DNM1L: variants seen among roughly 807,000 people sequenced by gnomAD.
DNM1L encodes the protein dynamin 1L.
In DNM1L, 33 loss-of-function variants were observed where a neutral mutation model predicts 92.8. That is an observed-to-expected ratio of 0.36 (90% CI 0.27 to 0.48). DNM1L has a LOEUF of 0.48. DNM1L is among the 20% of genes least tolerant of loss of function. The pLI is 0.99. For missense variants in DNM1L, 485 were observed against 888.8 expected (o/e 0.55, Z 5.78); for synonymous variants, 284 against 305.0 (o/e 0.93, Z 0.72).
At chr12:32,702,251 AAAAG>A (rs1952740724) in intron 2 of DNM1L, among the ~76,000 whole-genome samples, 2 of 151,076 alleles carry the variant, frequency 1.3e-5, no homozygotes, top group Non-Finnish European at 3.0e-5. Flanking sequence ...AAAAAAAAAA[AAAAG>A]AAGAAAATAG....
intron 2 of DNM1L, chr12:32,705,977 C>A: frequency 1.1e-6 from 1 of 946,954 alleles, no homozygotes; most frequent in Non-Finnish European, 1.5e-6. Context: ...TTTGCCCATC[C>A]ACATTGATTG....
At chr12:32,709,101 AG>A (rs1021214353) in intron 4 of DNM1L, among the ~76,000 whole-genome samples, 4 of 152,156 alleles carry the variant, frequency 2.6e-5, no homozygotes, top group Admixed American at 2.6e-4. Context: ...ATGACTGTTC[AG>A]GATATTTGTT....
At chr12:32,680,649 A>G (rs1951769797) in intron 1 of DNM1L, among the ~76,000 whole-genome samples, 1 of 152,222 alleles carries the variant, frequency 6.6e-6, no homozygotes, top group African/African-American at 2.4e-5. Context: ...TAGTATTTGT[A>G]ACAATATTTG....
chr12:32,687,899 C>G (rs1952086146), intron 1 of DNM1L, among the ~76,000 whole-genome samples: 1 of 151,670 alleles, frequency 6.6e-6, no homozygotes. Flanking sequence ...TGTTTGGGGT[C>G]CCTTGTCATT....
intron 1 of DNM1L, among the ~76,000 whole-genome samples, chr12:32,692,025 G>A (rs1237273167): frequency 6.6e-6 from 1 of 151,906 alleles, no homozygotes; most frequent in Non-Finnish European, 1.5e-5. Context: ...ATTCCAATCT[G>A]TCACAGTAAA....
intron 9 of DNM1L, 170 bp downstream of exon 9, chr12:32,722,803 TTGTAAA>T: frequency 1.9e-6 from 1 of 521,906 alleles, no homozygotes. Context: ...AAAATATGCT[TTGTAAA>T]TGATATAAAG....
chr12:32,720,523 C>T, intron 7 of DNM1L, 141 bp from the exon 8 acceptor site: 1 of 1,281,084 alleles, frequency 7.8e-7, no homozygotes, highest in Non-Finnish European at 1.1e-6. Context: ...GGTAATAATA[C>T]CTGCCACATA....
At chr12:32,693,852 G>A (rs959600709) in intron 1 of DNM1L, among the ~76,000 whole-genome samples, 3 of 152,010 alleles carry the variant, frequency 2.0e-5, no homozygotes, top group Non-Finnish European at 4.4e-5. Flanking sequence ...TGCCCAGGAT[G>A]GTCTTGAACT....
chr12:32,722,301 T>C, intron 8 of DNM1L, 126 bp from the exon 9 acceptor site: 2 of 786,024 alleles, frequency 2.5e-6, no homozygotes, highest in Non-Finnish European at 4.2e-6. Context: ...AAATATATAT[T>C]TCACAGTATC....
intron 2 of DNM1L, among the ~76,000 whole-genome samples, chr12:32,703,698 A>G (rs1305505407): frequency 6.6e-6 from 1 of 152,108 alleles, no homozygotes; most frequent in African/African-American, 2.4e-5. Context: ...TTACATGACA[A>G]AGACCTAGGT....
Position 32,712,829 on chromosome 12 carries a change from TC to T in DNM1L, c.457-379del, listed in dbSNP as rs573156484. On this transcript the variant is annotated intron_variant, in intron 5 of 19. Coordinates refer to ENST00000549701, the MANE Select transcript of DNM1L (RefSeq NM_012062.5). ...AGTTCTACGAAGGCAGAAAGTTTGG[TC>T]TTTTTAAAATTCACTACTGTAACAT... is the stretch of plus-strand genomic sequence containing the variant. Among the ~76,000 whole-genome samples the T allele has an allele frequency of 1.4e-4, 21 of 152,228 alleles. No individual in the cohort carries two copies. In the South Asian group the frequency reaches 4.4e-3, roughly 32 times the overall value.
At chr12:32,729,598 C>T (rs1217954251) in intron 9 of DNM1L, among the ~76,000 whole-genome samples, 1 of 151,922 alleles carries the variant, frequency 6.6e-6, no homozygotes, top group Non-Finnish European at 1.5e-5. Flanking sequence ...TACAGGTGCC[C>T]ACCACCACAC....
chr12:32,730,576 G>C (rs1954490244), intron 9 of DNM1L, among the ~76,000 whole-genome samples: 1 of 152,178 alleles, frequency 6.6e-6, no homozygotes, highest in South Asian at 2.1e-4. Context: ...TAATGGTAGA[G>C]TTGAGTAGTT....
intron 1 of DNM1L, among the ~76,000 whole-genome samples, chr12:32,685,486 G>A (rs1202323120): frequency 6.6e-6 from 1 of 151,032 alleles, no homozygotes; most frequent in East Asian, 2.0e-4. Flanking sequence ...TCAGCATCCT[G>A]AGTAGCTGGG....
rs752955628 is a variant in DNM1L, at chr12:32,738,223, T to A, written c.1675-41T>A. ...AATTTCAACCCATTGGTATTTAAAT[T>A]TTGCTTGTTAAATTGCATGTTTTAA... On this transcript the variant is annotated intron_variant, in intron 15 of 19. Transcript: ENST00000549701. 8 of 1,610,156 alleles carry A rather than the reference T, an allele frequency of 5.0e-6. No individual in the cohort carries two copies. The East Asian group carries it at 1.8e-4, about 36-fold the overall frequency.
intron 19 of DNM1L, 63 bp from the exon 20 acceptor site, chr12:32,743,291 G>GTAAT (rs1486215767): frequency 6.9e-7 from 1 of 1,450,374 alleles, no homozygotes; most frequent in Non-Finnish European, 9.5e-7. Flanking sequence ...ATTACCCTGC[G>GTAAT]TAATTCAGAT....
intron 2 of DNM1L, among the ~76,000 whole-genome samples, chr12:32,703,927 C>T (rs1437398006): frequency 6.6e-6 from 1 of 152,140 alleles, no homozygotes; most frequent in Non-Finnish European, 1.5e-5. Flanking sequence ...TCTCAGCTTG[C>T]CCCCTACTTC....
At position 32,744,727 on chromosome 12, in the gene DNM1L, A is replaced by AAAAC. The variant is rs1468473839; in HGVS notation, c.*1320_*1323dup. ...AAACTCCGTCTCAAAAAAAAAAAATAAAACAACACCCAGATAGATACACAT... is the reference window on the plus strand; with the variant it reads ...AAACTCCGTCTCAAAAAAAAAAAATAAAACAAACAACACCCAGATAGATACACAT... On this transcript the variant is annotated 3_prime_UTR_variant, in exon 20 of 20. Transcript: ENST00000549701. The AAAAC allele has an allele frequency of 5.5e-6, 2 of 365,160 alleles. No individual in the cohort carries two copies. Among genetic ancestry groups the AAAAC allele is most frequent in the African/African-American group, 2.2e-5 (1 of 45,420 alleles). 22.6% of individuals were successfully genotyped at this position (365,160 alleles called of 1,614,324 possible).
chr12:32,726,229 A>G (rs1397872902), intron 9 of DNM1L, among the ~76,000 whole-genome samples: 1 of 152,212 alleles, frequency 6.6e-6, no homozygotes, highest in African/African-American at 2.4e-5. Flanking sequence ...TGCTAGGTAG[A>G]ACAGATTGGT....
Sources: gnomAD v4.1 joint callset for allele counts (sites outside exome capture counted in the v4.1 genomes callset) on GRCh38, gnomAD v4.1.1 for gene constraint, MANE v1.5 for transcripts, NCBI Gene and HGNC (gene_info 2026-07-23, HGNC 2026-07-21) for gene names.